Variants in EXPH5 observed in about 807,000 individuals in gnomAD.
The protein encoded by EXPH5 is exophilin 5, also known as exophilin-5.
A neutral mutation model predicts 41.1 loss-of-function variants in EXPH5; 42 were observed. The observed-to-expected ratio is 1.02, with a 90% CI of 0.80 to 1.32. The LOEUF is 1.32. Ranked by LOEUF, EXPH5 falls within the 40% of genes most tolerant of loss-of-function variation. The pLI is 0.00. For missense variants in EXPH5, 2,298 were observed against 2,314.5 expected, an observed-to-expected ratio of 0.99 and a Z score of 0.15; for synonymous variants, 798 against 833.5, an observed-to-expected ratio of 0.96 and a Z score of 0.73.
rs144385007 is a variant in EXPH5 at position 108,536,264 on chromosome 11, T to C, written c.443+2760A>G. On this transcript the variant is annotated intron_variant, in intron 3 of 5. Transcript: ENST00000265843. Reference sequence around the variant, plus strand: ...GAGCAAATCATATTTGAGGCAGAAGTGGTAAATCTTTTTGCCTTTTTTTTT... The same window carrying C: ...GAGCAAATCATATTTGAGGCAGAAGCGGTAAATCTTTTTGCCTTTTTTTTT... Among the ~76,000 whole-genome samples, 525 of 151,354 alleles carry C rather than the reference T, an allele frequency of 3.5e-3. 9 individuals carry two copies. Among genetic ancestry groups the C allele is most frequent in the East Asian group, 0.034 (174 of 5,146 alleles).
In EXPH5 at chr11:108,514,316, A is replaced by C. The variant is rs1042576185; in HGVS notation, c.1191T>G (p.Ile397Met). The change falls in exon 6 of 6, where the codon ATT becomes ATG. Residue 397 changes from isoleucine to methionine, a missense_variant. Coordinates refer to ENST00000265843, the MANE Select transcript of EXPH5 (RefSeq NM_015065.3). ...GATACACATACTTGTCAGCGGGATC[A>C]ATTTCCATTGGTGATGGTGCCCTCA... ...EFLRAPSPMEIDPADKYVYPR... is the reference protein window; with the variant it reads ...EFLRAPSPMEMDPADKYVYPR... 1 of 1,613,364 alleles carries C rather than the reference A, an allele frequency of 6.2e-7. No individual in the cohort carries two copies. The highest frequency in any genetic ancestry group is 8.5e-7 in the Non-Finnish European group (1 of 1,179,640).
At chr11:108,562,488 A>C (rs1038080773) in intron 1 of EXPH5, among the ~76,000 whole-genome samples, 2 of 148,552 alleles carry the variant, frequency 1.3e-5, no homozygotes, top group African/African-American at 4.8e-5. Flanking sequence ...GCATACCTGT[A>C]GTCCCAGCTA....
chr11:108,551,071 C>T (rs565754122), intron 1 of EXPH5, among the ~76,000 whole-genome samples: 7 of 152,254 alleles, frequency 4.6e-5, no homozygotes, highest in Admixed American at 1.3e-4. Context: ...TGCCATCTGC[C>T]GGATTTTGCA....
intron 1 of EXPH5, among the ~76,000 whole-genome samples, chr11:108,573,190 AAG>A (rs1255655441): frequency 1.4e-4 from 19 of 136,096 alleles, no homozygotes; most frequent in South Asian, 6.5e-4. Flanking sequence ...GAAAGAAAGA[AAG>A]AAAGAAAAAG....
At chr11:108,552,010 A>G (rs900253677) in intron 1 of EXPH5, 3 of 152,168 alleles carry the variant, frequency 2.0e-5, no homozygotes, top group Admixed American at 6.6e-5. Context: ...TGAAGCCCCA[A>G]GAGACTCACC....
At chr11:108,537,924 C>T (rs1357536541) in intron 3 of EXPH5, 1 of 935,070 alleles carries the variant, frequency 1.1e-6, no homozygotes, top group Non-Finnish European at 1.3e-6. Flanking sequence ...GTGAGAATCA[C>T]TAGTGTCTCA....
chr11:108,590,521 A>G (rs563377014), intron 1 of EXPH5, among the ~76,000 whole-genome samples: 16 of 152,256 alleles, frequency 1.1e-4, no homozygotes, highest in African/African-American at 3.4e-4. Flanking sequence ...AGAAAGTTCT[A>G]TGTGTTCAGG....
chr11:108,561,036 C>G (rs2094009171), intron 1 of EXPH5, among the ~76,000 whole-genome samples: 1 of 152,078 alleles, frequency 6.6e-6, no homozygotes, highest in Non-Finnish European at 1.5e-5. Flanking sequence ...AATAATATAA[C>G]TAACATTGGA....
At chr11:108,569,975 A>G (rs1411805596) in intron 1 of EXPH5, among the ~76,000 whole-genome samples, 1 of 152,194 alleles carries the variant, frequency 6.6e-6, no homozygotes, top group Non-Finnish European at 1.5e-5. Context: ...GAAAAAGGTA[A>G]AATTGCAGTG....
chr11:108,538,053 A>T (rs2093890501), intron 3 of EXPH5: 2 of 985,430 alleles, frequency 2.0e-6, no homozygotes, highest in Non-Finnish European at 2.4e-6. Flanking sequence ...ATCAGACAAA[A>T]ACAGCCTCGG....
In EXPH5 at chr11:108,555,240, T is replaced by G. The variant is rs17108198; in HGVS notation, c.120-13428A>C. On this transcript the variant is annotated intron_variant, in intron 1 of 5. Transcript: ENST00000265843. ...GCCACATAATTGCAAGAATATTGCATGTACTTTATTAAAATGTCTAAAAAC... is the reference window on the plus strand; with the variant it reads ...GCCACATAATTGCAAGAATATTGCAGGTACTTTATTAAAATGTCTAAAAAC... Among the ~76,000 whole-genome samples the G allele has an allele frequency of 5.1e-4, 78 of 152,342 alleles. No individual in the cohort carries two copies. In the East Asian group the frequency reaches 0.012, roughly 23 times the overall value.
intron 1 of EXPH5, among the ~76,000 whole-genome samples, chr11:108,564,582 G>T (rs568565363): frequency 6.6e-6 from 1 of 152,226 alleles, no homozygotes; most frequent in South Asian, 2.1e-4. Context: ...AATAAACCCA[G>T]TTCAAAACTA....
Position 108,545,819 on chromosome 11 carries a change from C to T in EXPH5, c.120-4007G>A, listed in dbSNP as rs188453557. On this transcript the variant is annotated intron_variant, in intron 1 of 5. Transcript: ENST00000265843. ...TCAGGAGGCTGAGGCAGGAGGATCC[C>T]TTGAGCCCAGGAGTTGGAGGCTACA... Among the ~76,000 whole-genome samples the T allele has an allele frequency of 2.3e-3, 350 of 152,010 alleles. 2 individuals are homozygous for T. The highest frequency in any genetic ancestry group is 6.8e-3 in the Middle Eastern group (2 of 294).
At chr11:108,547,897 G>A (rs1190707015) in intron 1 of EXPH5, among the ~76,000 whole-genome samples, 1 of 151,962 alleles carries the variant, frequency 6.6e-6, no homozygotes, top group African/African-American at 2.4e-5. Flanking sequence ...ATCACCTGAG[G>A]TCAGTAGTTC....
In EXPH5 at chr11:108,567,559, G is replaced by C. The variant is rs566572590; in HGVS notation, c.120-25747C>G. On this transcript the variant is annotated intron_variant, in intron 1 of 5. Transcript: ENST00000265843. Reference sequence around the variant, plus strand: ...ATTCTTGTTTGAATTCTCATGTCCTGTCCTCCCAAACAGATTATACATTTC... The same window carrying C: ...ATTCTTGTTTGAATTCTCATGTCCTCTCCTCCCAAACAGATTATACATTTC... Among the ~76,000 whole-genome samples, 6 of 152,190 alleles carry C rather than the reference G, an allele frequency of 3.9e-5. No homozygotes were observed. The South Asian group carries it at 1.2e-3, about 32-fold the overall frequency.
At chr11:108,595,953 G>A (rs1281376547), upstream of EXPH5, among the ~76,000 whole-genome samples, 1 of 152,178 alleles carries the variant, frequency 6.6e-6, no homozygotes, top group African/African-American at 2.4e-5. Flanking sequence ...TGTAGCCCCA[G>A]CACTTTGGGA....
intron 4 of EXPH5, among the ~76,000 whole-genome samples, chr11:108,520,565 C>T (rs11212694): frequency 1.0e-3 from 91 of 87,186 alleles, no homozygotes; most frequent in African/African-American, 7.7e-3. Flanking sequence ...TTTATTTATT[C>T]ATTTATTTAT....
chr11:108,579,134 G>C (rs75383589), intron 1 of EXPH5, among the ~76,000 whole-genome samples: 5,955 of 151,928 alleles, frequency 0.039, 124 homozygotes, highest in Middle Eastern at 0.048. Flanking sequence ...GATGCTAGCT[G>C]TGGGTCTGTC....
chr11:108,598,513 A>G (rs181415478), upstream of EXPH5, among the ~76,000 whole-genome samples: 120 of 118,326 alleles, frequency 1.0e-3, 1 homozygote, highest in African/African-American at 3.2e-3. Context: ...ACCACGTGTG[A>G]TAAACGCTAT....
Sources: gnomAD v4.1 joint callset for allele counts (sites outside exome capture counted in the v4.1 genomes callset) on GRCh38, gnomAD v4.1.1 for gene constraint, MANE v1.5 for transcripts, NCBI Gene and HGNC (gene_info 2026-07-23, HGNC 2026-07-21) for gene names.